Variants in MAGI1 observed in about 807,000 individuals in gnomAD.
MAGI1 encodes the protein membrane-associated guanylate kinase, WW and PDZ domain-containing protein 1.
In MAGI1, 58 loss-of-function variants were observed where a neutral mutation model predicts 139.9. The observed-to-expected ratio is 0.41, with a 90% CI of 0.34 to 0.52. The LOEUF is 0.52. Ranked by LOEUF, MAGI1 falls within the 20% of genes least tolerant of loss-of-function variation. MAGI1 has a pLI of 0.12. For missense variants in MAGI1, 1,874 were observed against 1,901.6 expected (o/e 0.99, Z 0.27); for synonymous variants, 812 against 737.9 (o/e 1.10, Z -1.63).
intron 2 of MAGI1, among the ~76,000 whole-genome samples, chr3:65,545,752 G>T (rs1377246642): frequency 6.6e-6 from 1 of 151,750 alleles, no homozygotes; most frequent in East Asian, 1.9e-4. Flanking sequence ...TATTTTATAG[G>T]AATTCCATCT....
At chr3:65,995,020 T>C in intron 1 of MAGI1, among the ~76,000 whole-genome samples, 1 of 152,108 alleles carries the variant, frequency 6.6e-6, no homozygotes. Flanking sequence ...GTGCTAAACC[T>C]GAGGGGCATG....
At chr3:65,967,308 T>C (rs1055717929) in intron 1 of MAGI1, among the ~76,000 whole-genome samples, 1 of 152,130 alleles carries the variant, frequency 6.6e-6, no homozygotes, top group Non-Finnish European at 1.5e-5. Flanking sequence ...TCAACGTTGC[T>C]GTATGTTTAA....
At chr3:65,463,717 A>T (rs908566368) in intron 5 of MAGI1, among the ~76,000 whole-genome samples, 1 of 152,008 alleles carries the variant, frequency 6.6e-6, no homozygotes, top group Non-Finnish European at 1.5e-5. Flanking sequence ...GCTCCTCTGT[A>T]TAACTCTGGT....
intron 5 of MAGI1, among the ~76,000 whole-genome samples, chr3:65,457,137 A>ACTGACATCT (rs1264877623): frequency 6.6e-6 from 1 of 152,186 alleles, no homozygotes; most frequent in African/African-American, 2.4e-5. Context: ...TTTGGGGAGC[A>ACTGACATCT]CTGACATCTC....
chr3:65,748,900 A>G (rs2035912628), intron 1 of MAGI1, among the ~76,000 whole-genome samples: 1 of 152,208 alleles, frequency 6.6e-6, no homozygotes, highest in Admixed American at 6.5e-5. Flanking sequence ...GAAACAACAC[A>G]GGATCCCAAA....
intron 3 of MAGI1, among the ~76,000 whole-genome samples, chr3:65,485,049 A>G (rs1951543846): frequency 6.6e-6 from 1 of 152,198 alleles, no homozygotes; most frequent in African/African-American, 2.4e-5. Flanking sequence ...GTAAATGAAT[A>G]AAGGCAGATA....
intron 5 of MAGI1, among the ~76,000 whole-genome samples, chr3:65,461,297 C>T (rs1407639662): frequency 1.3e-5 from 2 of 151,202 alleles, no homozygotes; most frequent in Non-Finnish European, 2.9e-5. Flanking sequence ...CTCACTGCAA[C>T]CTCCACCTCC....
chr3:66,025,078 G>A (rs2068177643), intron 1 of MAGI1, among the ~76,000 whole-genome samples: 1 of 152,100 alleles, frequency 6.6e-6, no homozygotes, highest in Non-Finnish European at 1.5e-5. Context: ...GAAGATGTTC[G>A]CTAAAATGTA....
At chr3:65,551,347 C>T (rs1475035404) in intron 2 of MAGI1, among the ~76,000 whole-genome samples, 1 of 152,170 alleles carries the variant, frequency 6.6e-6, no homozygotes, top group Non-Finnish European at 1.5e-5. Context: ...GTCACCCAGG[C>T]TGGAGTGCAG....
At position 66,038,369 on chromosome 3, in the gene MAGI1, AG is replaced by A; in HGVS notation, c.-62del. 3 of 1,499,226 alleles carry A rather than the reference AG, an allele frequency of 2.0e-6. No individual in the cohort carries two copies. In the South Asian group the frequency reaches 4.0e-5, roughly 20 times the overall value. 92.9% of individuals were successfully genotyped at this position (1,499,226 alleles called of 1,614,324 possible). On this transcript the variant is annotated 5_prime_UTR_variant, in exon 1 of 23. The change creates a premature stop within an existing upstream ORF in the 5' untranslated region. Coordinates refer to ENST00000402939, the MANE Select transcript of MAGI1 (RefSeq NM_001033057.2). ...AGAGACAGGTGCCCCCCACAGCACG[AG>A]CCCCCAAGCCTCCGCTTGTTCATGG... is the stretch of plus-strand genomic sequence containing the variant.
rs930054811 is a variant in MAGI1 at position 65,875,281 on chromosome 3, G to C, written c.313+162715C>G. 2.0e-5 allele frequency among the ~76,000 whole-genome samples: 3 copies of C among 152,168 alleles called. No individual in the cohort carries two copies. The South Asian group carries it at 6.2e-4, about 31-fold the overall frequency. On this transcript the variant is annotated intron_variant, in intron 1 of 22. Coordinates refer to ENST00000402939, the MANE Select transcript of MAGI1 (RefSeq NM_001033057.2). ...GAAAAGGTAAAGGGTTTGTTGTTGA[G>C]ATGATGAAAATGTTAAGTTAGACTT... is the stretch of plus-strand genomic sequence containing the variant.
At chr3:65,855,222 G>GAA (rs36044263) in intron 1 of MAGI1, among the ~76,000 whole-genome samples, 4 of 151,314 alleles carry the variant, frequency 2.6e-5, no homozygotes, top group South Asian at 2.1e-4. Context: ...GTCCACAAGA[G>GAA]AAAAAAAGGC....
rs1942487669 is a variant in MAGI1, at chr3:65,376,025, A to G, written c.2996-80T>C. Reference sequence around the variant, plus strand: ...GGAAGAGAAAAAGGGTTGAAAAGGGAAAGAGAAGGTTAAGTGTTAATAAAT... The same window carrying G: ...GGAAGAGAAAAAGGGTTGAAAAGGGGAAGAGAAGGTTAAGTGTTAATAAAT... On this transcript the variant is annotated intron_variant, in intron 17 of 22. Coordinates refer to ENST00000402939, the MANE Select transcript of MAGI1 (RefSeq NM_001033057.2). 3.9e-6 allele frequency: 4 copies of G among 1,021,322 alleles called. No homozygotes were observed. The East Asian group carries it at 1.0e-4, about 26-fold the overall frequency. The allele number at this position is 1,021,322 out of a possible 1,614,324, so 63.3% of individuals were successfully genotyped here. A position where few individuals can be genotyped will look rare whatever the true frequency, so the allele number is the denominator to read the frequency against.
intron 1 of MAGI1, among the ~76,000 whole-genome samples, chr3:66,008,389 C>T (rs990330285): frequency 6.6e-6 from 1 of 152,158 alleles, no homozygotes; most frequent in Non-Finnish European, 1.5e-5. Flanking sequence ...AGATTTCAAT[C>T]TTTTCCTCAT....
intron 1 of MAGI1, among the ~76,000 whole-genome samples, chr3:65,950,294 G>A (rs1445103226): frequency 5.3e-5 from 8 of 151,982 alleles, no homozygotes; most frequent in Non-Finnish European, 1.0e-4. Context: ...GACCACTCCT[G>A]AAAAGGAAAA....
chr3:65,942,206 A>G (rs2063347457), intron 1 of MAGI1, among the ~76,000 whole-genome samples: 1 of 151,868 alleles, frequency 6.6e-6, no homozygotes, highest in South Asian at 2.1e-4. Context: ...GGCTAATATA[A>G]TACCATTTGC....
chr3:65,836,790 G>C (rs2042831038), intron 1 of MAGI1, among the ~76,000 whole-genome samples: 2 of 152,066 alleles, frequency 1.3e-5, no homozygotes, highest in Admixed American at 6.6e-5. Flanking sequence ...CTCCATCAGA[G>C]AAAAAGAGAA....
At chr3:65,671,850 T>A (rs1438696362) in intron 1 of MAGI1, among the ~76,000 whole-genome samples, 2 of 152,096 alleles carry the variant, frequency 1.3e-5, no homozygotes, top group African/African-American at 2.4e-5. Context: ...GAGGGTGTAA[T>A]GACCAAAAAA....
intron 1 of MAGI1, among the ~76,000 whole-genome samples, chr3:65,785,553 T>C (rs1356343580): frequency 6.6e-6 from 1 of 152,228 alleles, no homozygotes. Flanking sequence ...TACAAACTTA[T>C]TTGTTTAGGA....
Sources: gnomAD v4.1 joint callset for allele counts (sites outside exome capture counted in the v4.1 genomes callset) on GRCh38, gnomAD v4.1.1 for gene constraint, MANE v1.5 for transcripts, NCBI Gene and HGNC (gene_info 2026-07-23, HGNC 2026-07-21) for gene names.